Variants in GRM8 observed in about 807,000 individuals in gnomAD.
GRM8 encodes metabotropic glutamate receptor 8.
GRM8 carries 47 observed loss-of-function variants against 87.2 expected under a neutral mutation model. The ratio of observed to expected loss-of-function variants is 0.54; its 90% CI spans 0.43 to 0.69. The LOEUF (loss-of-function observed/expected upper bound fraction) is 0.69. GRM8 is among the 30% of genes least tolerant of loss of function. The pLI is 0.00. For synonymous variants in GRM8, 396 were observed against 404.5 expected (o/e 0.98, Z 0.25); for missense variants, 1,019 against 1,139.2 (o/e 0.89, Z 1.52).
chr7:126,778,304 C>T (rs889429459), intron 6 of GRM8, among the ~76,000 whole-genome samples: 1 of 152,116 alleles, frequency 6.6e-6, no homozygotes, highest in Admixed American at 6.6e-5. Context: ...TAGATCAGTT[C>T]ACAATAACAT....
chr7:127,174,081 C>T (rs1793961122), intron 2 of GRM8, among the ~76,000 whole-genome samples: 1 of 152,142 alleles, frequency 6.6e-6, no homozygotes, highest in Non-Finnish European at 1.5e-5. Flanking sequence ...ACACGCACCC[C>T]TAGACCTCAA....
At chr7:126,568,200 G>A (rs1399903626) in intron 8 of GRM8, among the ~76,000 whole-genome samples, 1 of 152,104 alleles carries the variant, frequency 6.6e-6, no homozygotes, top group Non-Finnish European at 1.5e-5. Context: ...GAAGCTTCAG[G>A]AGTGTGTATG....
At chr7:126,570,349 A>G (rs1193418470) in intron 8 of GRM8, among the ~76,000 whole-genome samples, 2 of 152,162 alleles carry the variant, frequency 1.3e-5, no homozygotes, top group Non-Finnish European at 2.9e-5. Flanking sequence ...GAAGTGGGAT[A>G]TGGGTCCTAG....
At chr7:126,702,494 C>A (rs989357201) in intron 7 of GRM8, among the ~76,000 whole-genome samples, 1 of 152,264 alleles carries the variant, frequency 6.6e-6, no homozygotes, top group South Asian at 2.1e-4. Flanking sequence ...TGTAGAAGGA[C>A]GACGCAGTGG....
chr7:126,465,409 T>C (rs931887759), intron 9 of GRM8: 11 of 151,712 alleles, frequency 7.3e-5, no homozygotes, highest in African/African-American at 2.7e-4. Context: ...TGCATTAATG[T>C]ATAGCTCAAT....
chr7:126,655,331 A>C (rs188565084), intron 7 of GRM8, among the ~76,000 whole-genome samples: 1 of 152,322 alleles, frequency 6.6e-6, no homozygotes, highest in East Asian at 1.9e-4. Flanking sequence ...GCATCCCATA[A>C]TCTTTTTAAA....
intron 6 of GRM8, among the ~76,000 whole-genome samples, chr7:126,841,632 A>AT (rs573365799): frequency 0.016 from 2,357 of 145,304 alleles, 48 homozygotes; most frequent in East Asian, 0.068. Flanking sequence ...TTGGATTATT[A>AT]TTTTTTTTTT....
intron 2 of GRM8, among the ~76,000 whole-genome samples, chr7:127,117,267 TTTGC>T: frequency 5.3e-5 from 1 of 18,724 alleles, no homozygotes; most frequent in Non-Finnish European, 1.5e-4. Context: ...AGAACCTGGC[TTTGC>T]TTTGCTTTGC....
chr7:126,974,925 G>A (rs1810806312), intron 3 of GRM8, among the ~76,000 whole-genome samples: 1 of 109,568 alleles, frequency 9.1e-6, no homozygotes, highest in Non-Finnish European at 1.7e-5. Flanking sequence ...GACAGAGCGA[G>A]ACTCTTGTCT....
intron 3 of GRM8, among the ~76,000 whole-genome samples, chr7:127,068,652 G>A (rs2132656338): frequency 6.6e-6 from 1 of 152,300 alleles, no homozygotes; most frequent in East Asian, 1.9e-4. Flanking sequence ...TGATGCAAGA[G>A]CAACAGGAGT....
intron 8 of GRM8, among the ~76,000 whole-genome samples, chr7:126,608,512 G>T (rs1332768187): frequency 1.3e-5 from 2 of 152,096 alleles, no homozygotes; most frequent in African/African-American, 2.4e-5. Context: ...TCTTCAAGTC[G>T]CCCTCACATG....
chr7:127,248,213 C>T (rs1015970818), intron 1 of GRM8, among the ~76,000 whole-genome samples: 2 of 152,194 alleles, frequency 1.3e-5, no homozygotes, highest in Non-Finnish European at 2.9e-5. Context: ...GTGACATCAA[C>T]ACTTACTGAT....
intron 2 of GRM8, among the ~76,000 whole-genome samples, chr7:127,113,268 C>T (rs1241611062): frequency 6.6e-6 from 1 of 152,062 alleles, no homozygotes; most frequent in Non-Finnish European, 1.5e-5. Flanking sequence ...TACTGGTTTG[C>T]TAAATATCCC....
intron 7 of GRM8, among the ~76,000 whole-genome samples, chr7:126,721,320 T>C (rs1235195615): frequency 6.6e-6 from 1 of 152,130 alleles, no homozygotes. Context: ...AGTGCAGCCA[T>C]CACTAAAGCA....
At chr7:127,185,972 A>C (rs1794713466) in intron 2 of GRM8, among the ~76,000 whole-genome samples, 1 of 152,190 alleles carries the variant, frequency 6.6e-6, no homozygotes, top group Non-Finnish European at 1.5e-5. Flanking sequence ...GAGCCTTAAC[A>C]GGGGAAAGAG....
intron 6 of GRM8, among the ~76,000 whole-genome samples, chr7:126,820,421 C>T (rs953579931): frequency 6.6e-6 from 1 of 152,124 alleles, no homozygotes; most frequent in African/African-American, 2.4e-5. Context: ...TCTTCAGCAC[C>T]ACCCTATCTT....
At chr7:127,122,350 T>A (rs1827135253) in intron 2 of GRM8, among the ~76,000 whole-genome samples, 1 of 152,182 alleles carries the variant, frequency 6.6e-6, no homozygotes, top group Non-Finnish European at 1.5e-5. Context: ...AGACCGTAAC[T>A]TAGATATATG....
chr7:126,691,133 G>A (rs1229980406), intron 7 of GRM8, among the ~76,000 whole-genome samples: 1 of 152,132 alleles, frequency 6.6e-6, no homozygotes, highest in African/African-American at 2.4e-5. Context: ...CATGCCAAGG[G>A]GTGCCTGCAA....
chr7:126,510,104 A>G (rs1811108663), intron 9 of GRM8, among the ~76,000 whole-genome samples: 1 of 152,024 alleles, frequency 6.6e-6, no homozygotes, highest in Admixed American at 6.6e-5. Context: ...GGTATTCCCA[A>G]CATGATCACA....
Sources: allele counts gnomAD v4.1 joint callset (sites outside exome capture counted in the v4.1 genomes callset), GRCh38; gene constraint gnomAD v4.1.1; transcripts MANE v1.5; gene names NCBI Gene and HGNC (gene_info 2026-07-23, HGNC 2026-07-21).